The following ZMYM2 variants were observed in gnomAD, a reference collection of about 807,000 sequenced individuals.
ZMYM2 encodes zinc finger MYM-type containing 2, also known as zinc finger MYM-type protein 2.
A neutral mutation model predicts 162.8 loss-of-function variants in ZMYM2; 56 were observed. That is an observed-to-expected ratio of 0.34 (90% CI 0.28 to 0.43). The LOEUF (loss-of-function observed/expected upper bound fraction) is 0.43, where lower values mean the gene tolerates loss of function less well. Ranked by LOEUF, ZMYM2 falls within the 20% of genes least tolerant of loss-of-function variation. The pLI is 1.00. For missense variants in ZMYM2, 1,275 were observed against 1,621.8 expected (o/e 0.79, Z 3.67); for synonymous variants, 510 against 541.6 (o/e 0.94, Z 0.81).
At chr13:19,972,913 A>G (rs113322712) in intron 2 of ZMYM2, among the ~76,000 whole-genome samples, 4 of 150,270 alleles carry the variant, frequency 2.7e-5, no homozygotes, top group Non-Finnish European at 5.9e-5. Flanking sequence ...ATATACATAT[A>G]TAGATATATA....
the ZMYM2 span, among the ~76,000 whole-genome samples, chr13:19,870,330 A>AT: frequency 6.6e-6 from 1 of 151,836 alleles, no homozygotes; most frequent in Non-Finnish European, 1.5e-5. Context: ...TAATTTTTGT[A>AT]TTTTTTGTAG....
chr13:19,987,402 T>C (rs991068518), intron 2 of ZMYM2, among the ~76,000 whole-genome samples: 3 of 151,880 alleles, frequency 2.0e-5, no homozygotes, highest in Non-Finnish European at 4.4e-5. Flanking sequence ...TAGCTGGGAT[T>C]AAAGGCGCCT....
rs1270115549 is a variant in ZMYM2 at position 20,046,581 on chromosome 13, A to ATATGTGTGTG, written c.2293-4851_2293-4850insATGTGTGTGT. Among the ~76,000 whole-genome samples, 725 of 117,454 alleles carry ATATGTGTGTG rather than the reference A, an allele frequency of 6.2e-3. 12 individuals carry two copies. The highest frequency in any genetic ancestry group is 0.036 in the South Asian group (126 of 3,490). 77.1% of individuals were successfully genotyped at this position (117,454 alleles called of 152,430 possible). A position where few individuals can be genotyped will look rare whatever the true frequency, so the allele number is the denominator to read the frequency against. On this transcript the variant is annotated intron_variant, in intron 12 of 24. Coordinates refer to ENST00000610343, the MANE Select transcript of ZMYM2 (RefSeq NM_197968.4). ...AAAAAAAAAATATATATATATATAT[A>ATATGTGTGTG]TGTGTGTGTGTGTGTGTGTGTGTGT...
chr13:19,899,816 C>CAAA, the ZMYM2 span, among the ~76,000 whole-genome samples: 59 of 64,942 alleles, frequency 9.1e-4, 2 homozygotes, highest in African/African-American at 1.5e-3. Flanking sequence ...GACTCTGACT[C>CAAA]AAAAAAAAAA....
At chr13:19,961,191 A>G (rs982718073) in intron 2 of ZMYM2, among the ~76,000 whole-genome samples, 1 of 151,398 alleles carries the variant, frequency 6.6e-6, no homozygotes, top group African/African-American at 2.4e-5. Flanking sequence ...ACCTCCATGT[A>G]CCCATCATTC....
Position 20,026,677 on chromosome 13 carries a change from G to A in ZMYM2, c.1650G>A (p.Gln550=). 1 of 1,611,046 alleles carries A rather than the reference G, an allele frequency of 6.2e-7. No individual in the cohort carries two copies. ...RTQCRFFDMT[Q]CIGPNGYMEP... ...AGTGCAGGTTTTTTGATATGACTCAGTGTATAGGTCCTAATGGATATATGG... is the reference window on the plus strand; with the variant it reads ...AGTGCAGGTTTTTTGATATGACTCAATGTATAGGTCCTAATGGATATATGG... Residue 550 remains glutamine (Q), a synonymous_variant, in exon 8 of 25, where the codon CAG becomes CAA. Transcript: ENST00000610343.
chr13:19,942,336 G>C, the ZMYM2 span, among the ~76,000 whole-genome samples: 1 of 151,656 alleles, frequency 6.6e-6, no homozygotes, highest in African/African-American at 2.4e-5. Flanking sequence ...AATTCTATGG[G>C]GGAAGTGGAA....
chr13:19,989,056 C>T (rs1397717611), intron 2 of ZMYM2, among the ~76,000 whole-genome samples: 2 of 152,152 alleles, frequency 1.3e-5, no homozygotes. Flanking sequence ...TTCTGCCCTT[C>T]CTAGCAAACT....
intron 22 of ZMYM2, among the ~76,000 whole-genome samples, chr13:20,082,336 T>C (rs555126451): frequency 6.6e-6 from 1 of 152,322 alleles, no homozygotes; most frequent in South Asian, 2.1e-4. Flanking sequence ...TTGTAAGAAA[T>C]GTAATCTACT....
the ZMYM2 span, among the ~76,000 whole-genome samples, chr13:19,878,056 CT>C: frequency 4.4e-4 from 63 of 144,778 alleles, no homozygotes; most frequent in African/African-American, 5.3e-4. Context: ...TTTTTGATTA[CT>C]TTTTTTTTTT....
rs141296928 is a variant in ZMYM2 at position 20,019,404 on chromosome 13, G to A, written c.1513-143G>A. 102 of 634,548 alleles carry A rather than the reference G, an allele frequency of 1.6e-4. No homozygotes were observed. The African/African-American group carries it at 1.7e-3, about 11-fold the overall frequency. 39.3% of individuals were successfully genotyped at this position (634,548 alleles called of 1,614,324 possible). A position where few individuals can be genotyped will look rare whatever the true frequency, so the allele number is the denominator to read the frequency against. On this transcript the variant is annotated intron_variant, in intron 6 of 24. Transcript: ENST00000610343. ...GGGCAACAGTAGTGGGGACAGGACA[G>A]GCAGACATTTTTAAAAGTTGGAATG...
At chr13:19,988,154 G>A (rs1297931753) in intron 2 of ZMYM2, among the ~76,000 whole-genome samples, 1 of 152,150 alleles carries the variant, frequency 6.6e-6, no homozygotes, top group African/African-American at 2.4e-5. Flanking sequence ...ACTCAAAGGG[G>A]TTGTCACAGT....
Position 20,061,034 on chromosome 13 carries a change from A to C in ZMYM2, c.2740-19A>C. On this transcript the variant is annotated intron_variant, in intron 16 of 24. Transcript: ENST00000610343. Reference sequence around the variant, plus strand: ...TTTAATGTTTAGTAAACCTAACTCAAAATGATTTGGTTAATTAGGTGCCAG... The same window carrying C: ...TTTAATGTTTAGTAAACCTAACTCACAATGATTTGGTTAATTAGGTGCCAG... 1.3e-6 allele frequency: 2 copies of C among 1,595,652 alleles called. No homozygotes were observed.
At chr13:20,026,272 C>T (rs1262030273) in intron 7 of ZMYM2, 1 of 164,394 alleles carries the variant, frequency 6.1e-6, no homozygotes, top group African/African-American at 2.4e-5. Context: ...TGTCAAATGA[C>T]AAAGAAGTAT....
chr13:20,021,367 C>G (rs1952084495), intron 7 of ZMYM2, among the ~76,000 whole-genome samples: 2 of 108,882 alleles, frequency 1.8e-5, no homozygotes, highest in Admixed American at 9.4e-5. Context: ...TGTTTTCCTG[C>G]TTTTTTTTTT....
intron 6 of ZMYM2, among the ~76,000 whole-genome samples, chr13:20,012,257 C>T (rs1951261466): frequency 6.6e-6 from 1 of 152,144 alleles, no homozygotes; most frequent in African/African-American, 2.4e-5. Flanking sequence ...CTCACTGCAG[C>T]CTCCGCCTCC....
the ZMYM2 span, among the ~76,000 whole-genome samples, chr13:19,867,718 C>T: frequency 2.0e-5 from 3 of 152,042 alleles, no homozygotes; most frequent in Non-Finnish European, 4.4e-5. Context: ...CTCCGCCTCC[C>T]GGGTTCGAAT....
At chr13:19,875,234 T>G in the ZMYM2 span, among the ~76,000 whole-genome samples, 737 of 152,176 alleles carry the variant, frequency 4.8e-3, 3 homozygotes, top group Non-Finnish European at 7.9e-3. Context: ...CACCCGCATG[T>G]GTGAGATGTG....
chr13:19,984,317 T>C (rs1004004606), intron 2 of ZMYM2, among the ~76,000 whole-genome samples: 10 of 152,232 alleles, frequency 6.6e-5, no homozygotes, highest in Non-Finnish European at 1.3e-4. Flanking sequence ...CAAATAGAAC[T>C]GAAAGCATTT....
Sources: gnomAD v4.1 joint callset for allele counts (sites outside exome capture counted in the v4.1 genomes callset) on GRCh38, gnomAD v4.1.1 for gene constraint, MANE v1.5 for transcripts, NCBI Gene and HGNC (gene_info 2026-07-23, HGNC 2026-07-21) for gene names.